UBE2E1: variants seen among roughly 807,000 people sequenced by gnomAD.
The protein encoded by UBE2E1 is ubiquitin-conjugating enzyme E2 E1.
UBE2E1 carries 6 observed loss-of-function variants against 21.4 expected under a neutral mutation model. The observed-to-expected ratio is 0.28, with a 90% confidence interval of 0.15 to 0.55. The LOEUF (loss-of-function observed/expected upper bound fraction) is 0.55, where lower values mean the gene tolerates loss of function less well. UBE2E1 is among the 20% of genes least tolerant of loss of function. The probability of loss-of-function intolerance (pLI) is 0.93; values close to 1 mark genes in which losing one functional copy is unlikely to be tolerated. For missense variants in UBE2E1, 142 were observed against 236.5 expected, an observed-to-expected ratio of 0.60 and a Z score of 2.62; for synonymous variants, 87 against 82.7, an observed-to-expected ratio of 1.05 and a Z score of -0.28.
intron 3 of UBE2E1, among the ~76,000 whole-genome samples, chr3:23,862,718 C>G (rs1275816427): frequency 6.6e-6 from 1 of 151,976 alleles, no homozygotes; most frequent in Non-Finnish European, 1.5e-5. Flanking sequence ...TCCTTTCCGT[C>G]TTATCTTTCT....
At chr3:23,829,811 A>G (rs979276694) in intron 3 of UBE2E1, among the ~76,000 whole-genome samples, 10 of 152,238 alleles carry the variant, frequency 6.6e-5, no homozygotes, top group Non-Finnish European at 2.9e-5. Flanking sequence ...CTGAAAGAGA[A>G]GCAGATAAAA....
intron 3 of UBE2E1, among the ~76,000 whole-genome samples, chr3:23,824,891 G>A (rs191732589): frequency 3.2e-4 from 49 of 152,216 alleles, no homozygotes; most frequent in Non-Finnish European, 1.3e-4. Flanking sequence ...AACTTAAGCC[G>A]GAAAACAGTT....
At chr3:23,831,348 C>T (rs573789821) in intron 3 of UBE2E1, among the ~76,000 whole-genome samples, 2 of 152,216 alleles carry the variant, frequency 1.3e-5, no homozygotes, top group South Asian at 2.1e-4. Flanking sequence ...ACCACAGGCA[C>T]CCAGAGAGAA....
chr3:23,879,211 C>A (rs1318900709), intron 3 of UBE2E1: 1 of 882,852 alleles, frequency 1.1e-6, no homozygotes. Flanking sequence ...ACAACAAATA[C>A]AATGCCATCT....
chr3:23,812,257 A>G (rs1303938039), intron 3 of UBE2E1, among the ~76,000 whole-genome samples: 1 of 152,160 alleles, frequency 6.6e-6, no homozygotes, highest in Non-Finnish European at 1.5e-5. Context: ...ATTAGAATAG[A>G]ACCATTTATT....
intron 3 of UBE2E1, among the ~76,000 whole-genome samples, chr3:23,848,836 G>T (rs955026225): frequency 2.0e-5 from 3 of 152,172 alleles, no homozygotes; most frequent in African/African-American, 7.2e-5. Context: ...GAGAGGTGTT[G>T]GTAAGCCAAG....
At position 23,854,395 on chromosome 3, in the gene UBE2E1, T is replaced by C. The variant is rs559041860; in HGVS notation, c.204-33172T>C. On this transcript the variant is annotated intron_variant, in intron 3 of 5. Coordinates refer to ENST00000306627, the MANE Select transcript of UBE2E1 (RefSeq NM_003341.5). ...CCTCTTTTCCTGAGATATATTATCT[T>C]TTCCAAGCTATCCTATGTGGAGAGC... Among the ~76,000 whole-genome samples the C allele has an allele frequency of 9.2e-5, 14 of 152,336 alleles. 1 individual carries two copies. In the South Asian group the frequency reaches 1.7e-3, roughly 18 times the overall value.
intron 3 of UBE2E1, among the ~76,000 whole-genome samples, chr3:23,857,035 A>G (rs1700458411): frequency 6.6e-6 from 1 of 151,706 alleles, no homozygotes; most frequent in Admixed American, 6.6e-5. Flanking sequence ...AGAATGAGAA[A>G]TGCCATTTAA....
At chr3:23,882,816 GC>G (rs951593519) in intron 3 of UBE2E1, among the ~76,000 whole-genome samples, 2 of 152,210 alleles carry the variant, frequency 1.3e-5, no homozygotes, top group African/African-American at 4.8e-5. Flanking sequence ...AGTGGCGCCG[GC>G]CGGCTGCTCC....
chr3:23,819,926 A>C (rs1012662917), intron 3 of UBE2E1, among the ~76,000 whole-genome samples: 1 of 152,188 alleles, frequency 6.6e-6, no homozygotes, highest in Non-Finnish European at 1.5e-5. Context: ...ACTTCATGTA[A>C]GGTTTATCAT....
chr3:23,839,910 AG>A (rs1275626853), intron 3 of UBE2E1, among the ~76,000 whole-genome samples: 2 of 151,928 alleles, frequency 1.3e-5, no homozygotes, highest in Non-Finnish European at 2.9e-5. Flanking sequence ...CTTTTGATGT[AG>A]TTTTTTTATT....
intron 3 of UBE2E1, among the ~76,000 whole-genome samples, chr3:23,885,346 G>A (rs76993776): frequency 6.6e-6 from 1 of 152,224 alleles, no homozygotes; most frequent in African/African-American, 2.4e-5. Flanking sequence ...AGGCAGGTAG[G>A]CAAACTTATG....
At chr3:23,819,326 G>A (rs765869614) in intron 3 of UBE2E1, among the ~76,000 whole-genome samples, 3 of 152,148 alleles carry the variant, frequency 2.0e-5, no homozygotes, top group Non-Finnish European at 4.4e-5. Context: ...TAGAGAGGCA[G>A]ATGTAATGTT....
At chr3:23,859,434 C>G (rs922634143) in intron 3 of UBE2E1, among the ~76,000 whole-genome samples, 12 of 152,224 alleles carry the variant, frequency 7.9e-5, no homozygotes, top group African/African-American at 2.9e-4. Flanking sequence ...CCTGCTCCCA[C>G]CCTTGTGACT....
intron 3 of UBE2E1, among the ~76,000 whole-genome samples, chr3:23,883,555 TTAAGAA>T (rs2125328289): frequency 6.6e-6 from 1 of 152,308 alleles, no homozygotes; most frequent in African/African-American, 2.4e-5. Context: ...TATTCTCTGA[TTAAGAA>T]AGTACACATG....
At position 23,890,715 on chromosome 3, in the gene UBE2E1, T is replaced by TAACA. The variant is rs767886303; in HGVS notation, c.*110_*113dup. 5.5e-6 allele frequency: 5 copies of TAACA among 914,388 alleles called. No individual in the cohort carries two copies. Among genetic ancestry groups the TAACA allele is most frequent in the Non-Finnish European group, 7.9e-6 (5 of 633,734 alleles). The allele number at this position is 914,388 out of a possible 1,614,324, so 56.6% of individuals were successfully genotyped here. A position where few individuals can be genotyped will look rare whatever the true frequency, so the allele number is the denominator to read the frequency against. On this transcript the variant is annotated 3_prime_UTR_variant, in exon 6 of 6. Coordinates refer to ENST00000306627, the MANE Select transcript of UBE2E1 (RefSeq NM_003341.5). ...GTTGGTAAAGAGTAGGGTATTTCTA[T>TAACA]AACAGATATTATTCAGTCTTATTTC...
At chr3:23,826,254 T>G (rs1177102076) in intron 3 of UBE2E1, among the ~76,000 whole-genome samples, 1 of 152,234 alleles carries the variant, frequency 6.6e-6, no homozygotes, top group Non-Finnish European at 1.5e-5. Context: ...AATTGGTGCC[T>G]CAACCAGTGA....
intron 3 of UBE2E1, among the ~76,000 whole-genome samples, chr3:23,859,725 T>G (rs2125312793): frequency 6.6e-6 from 1 of 152,360 alleles, no homozygotes; most frequent in East Asian, 1.9e-4. Flanking sequence ...AAGAACTTGC[T>G]GTGGCTTTGC....
At chr3:23,835,248 T>G (rs13066667) in intron 3 of UBE2E1, among the ~76,000 whole-genome samples, 75,088 of 151,888 alleles carry the variant, frequency 0.49, 18,976 homozygotes, top group African/African-American at 0.6. Flanking sequence ...GGCAGGAGGA[T>G]TGCTTGAGCC....
Sources: gnomAD v4.1 joint callset for allele counts (sites outside exome capture counted in the v4.1 genomes callset) on GRCh38, gnomAD v4.1.1 for gene constraint, MANE v1.5 for transcripts, NCBI Gene and HGNC (gene_info 2026-07-23, HGNC 2026-07-21) for gene names.